The following SPHKAP variants were observed in gnomAD, a reference collection of about 807,000 sequenced individuals.
SPHKAP encodes A-kinase anchor protein SPHKAP.
Under a neutral mutation model 137.5 loss-of-function variants are expected in SPHKAP, and 67 were observed. The ratio of observed to expected loss-of-function variants is 0.49; its 90% confidence interval spans 0.40 to 0.60. The LOEUF (loss-of-function observed/expected upper bound fraction) is 0.60, where lower values mean the gene tolerates loss of function less well. Among genes scored for constraint, SPHKAP ranks in the 20% least tolerant of loss-of-function variants. SPHKAP has a pLI of 0.00. For missense variants in SPHKAP, 2,097 were observed against 2,069.3 expected (o/e 1.01, Z -0.26); for synonymous variants, 813 against 785.3 (o/e 1.04, Z -0.59).
At chr2:228,020,271 T>C in intron 6 of SPHKAP, 115 bp from the exon 7 acceptor site, 1 of 1,412,294 alleles carries the variant, frequency 7.1e-7, no homozygotes. Context: ...TGCACACATA[T>C]GTTTATTGCA....
At chr2:228,175,013 GAA>G (rs60971800) in intron 1 of SPHKAP, among the ~76,000 whole-genome samples, 25 of 98,034 alleles carry the variant, frequency 2.6e-4, no homozygotes, top group Middle Eastern at 7.2e-3. Context: ...TTATCCATCT[GAA>G]AAAAAAAAAA....
At chr2:228,164,109 G>T (rs911429679) in intron 1 of SPHKAP, among the ~76,000 whole-genome samples, 2 of 152,176 alleles carry the variant, frequency 1.3e-5, no homozygotes, top group Admixed American at 1.3e-4. Context: ...AACTTCCCTT[G>T]CTGAGTCTTC....
chr2:228,180,807 A>C (rs1354599800), intron 1 of SPHKAP, among the ~76,000 whole-genome samples: 1 of 152,192 alleles, frequency 6.6e-6, no homozygotes, highest in African/African-American at 2.4e-5. Flanking sequence ...TAATTTCGCA[A>C]AGGACTGAGT....
At chr2:228,138,721 A>T (rs1699507510) in intron 1 of SPHKAP, among the ~76,000 whole-genome samples, 1 of 152,202 alleles carries the variant, frequency 6.6e-6, no homozygotes, top group African/African-American at 2.4e-5. Context: ...CTAGACCAGT[A>T]AAATAAAAAT....
At chr2:228,155,226 T>G (rs1370627589) in intron 1 of SPHKAP, among the ~76,000 whole-genome samples, 1 of 149,690 alleles carries the variant, frequency 6.7e-6, no homozygotes, top group Non-Finnish European at 1.5e-5. Flanking sequence ...CATTGTTCAT[T>G]TTTTTTTTTG....
At chr2:228,170,261 G>A (rs1353941023) in intron 1 of SPHKAP, among the ~76,000 whole-genome samples, 1 of 152,108 alleles carries the variant, frequency 6.6e-6, no homozygotes, top group Non-Finnish European at 1.5e-5. Flanking sequence ...TGAAGATGCT[G>A]TGAACATTGT....
intron 2 of SPHKAP, among the ~76,000 whole-genome samples, chr2:228,125,568 A>G (rs973513173): frequency 5.3e-5 from 8 of 152,212 alleles, no homozygotes; most frequent in Non-Finnish European, 4.4e-5. Flanking sequence ...CTGGGATCTA[A>G]TTCAAGTCTC....
chr2:228,034,877 AT>A (rs570297058), intron 3 of SPHKAP, among the ~76,000 whole-genome samples: 504 of 152,208 alleles, frequency 3.3e-3, no homozygotes, highest in Non-Finnish European at 5.6e-3. Context: ...GATGGGACAT[AT>A]CTCAAAATAA....
chr2:228,119,592 T>C (rs1473653318), intron 2 of SPHKAP, among the ~76,000 whole-genome samples: 1 of 151,976 alleles, frequency 6.6e-6, no homozygotes, highest in Admixed American at 6.6e-5. Context: ...GAGAATTCTA[T>C]AGTCTTTTGT....
At chr2:228,154,041 C>T (rs1700019355) in intron 1 of SPHKAP, among the ~76,000 whole-genome samples, 1 of 152,046 alleles carries the variant, frequency 6.6e-6, no homozygotes, top group South Asian at 2.1e-4. Flanking sequence ...CACTCTCGCT[C>T]AGTTAAAAAA....
chr2:227,998,921 A>T (rs574706427), intron 7 of SPHKAP, among the ~76,000 whole-genome samples: 1 of 152,352 alleles, frequency 6.6e-6, no homozygotes, highest in South Asian at 2.1e-4. Context: ...GTTCCCAGGG[A>T]ATACAACCTA....
At chr2:228,010,355 C>T (rs534683589) in intron 7 of SPHKAP, among the ~76,000 whole-genome samples, 42 of 151,990 alleles carry the variant, frequency 2.8e-4, no homozygotes, top group South Asian at 8.3e-4. Context: ...GGTGAAACCC[C>T]GTCTCTACTA....
At chr2:228,036,613 G>A (rs1175350753) in intron 3 of SPHKAP, among the ~76,000 whole-genome samples, 1 of 152,060 alleles carries the variant, frequency 6.6e-6, no homozygotes, top group Non-Finnish European at 1.5e-5. Context: ...ATTCACAATA[G>A]CAAAGACTTG....
At chr2:228,142,115 G>A (rs991251703) in intron 1 of SPHKAP, among the ~76,000 whole-genome samples, 7 of 152,074 alleles carry the variant, frequency 4.6e-5, no homozygotes, top group East Asian at 1.9e-4. Context: ...CATGTTGATC[G>A]TTTACAGTTA....
rs184467997 is a variant in SPHKAP at position 228,135,156 on chromosome 2, C to A, written c.33-3071G>T. Reference sequence around the variant, plus strand: ...GGGCATGGTGGTGCATGCCTGTAATCCCAGCTACTCAGGAGGCTGAGACAG... The same window carrying A: ...GGGCATGGTGGTGCATGCCTGTAATACCAGCTACTCAGGAGGCTGAGACAG... On this transcript the variant is annotated intron_variant, in intron 1 of 11. Coordinates refer to ENST00000392056, the MANE Select transcript of SPHKAP (RefSeq NM_001142644.2). Among the ~76,000 whole-genome samples the A allele has an allele frequency of 6.2e-4, 95 of 152,028 alleles. 1 individual carries two copies. The highest frequency in any genetic ancestry group is 2.2e-3 in the African/African-American group (90 of 41,474).
chr2:228,160,386 T>C (rs1700239516), intron 1 of SPHKAP, among the ~76,000 whole-genome samples: 1 of 152,228 alleles, frequency 6.6e-6, no homozygotes, highest in African/African-American at 2.4e-5. Context: ...AGAGGTTTAA[T>C]TGACTCACAG....
chr2:228,180,152 C>T (rs368527159), intron 1 of SPHKAP, among the ~76,000 whole-genome samples: 1 of 151,834 alleles, frequency 6.6e-6, no homozygotes, highest in East Asian at 2.0e-4. Context: ...GGGCAGGGAT[C>T]GGGAGGGTGG....
chr2:228,101,500 C>A (rs1348540238), intron 3 of SPHKAP, among the ~76,000 whole-genome samples: 5 of 152,150 alleles, frequency 3.3e-5, no homozygotes, highest in African/African-American at 7.2e-5. Context: ...CATGTAAATT[C>A]TCTCTTAAGT....
chr2:228,077,930 G>A (rs1485944683), intron 3 of SPHKAP, among the ~76,000 whole-genome samples: 2 of 152,114 alleles, frequency 1.3e-5, no homozygotes, highest in Non-Finnish European at 2.9e-5. Flanking sequence ...TTATGGGAGC[G>A]GGTCTTTCCT....
Sources: allele counts gnomAD v4.1 joint callset (sites outside exome capture counted in the v4.1 genomes callset), GRCh38; gene constraint gnomAD v4.1.1; transcripts MANE v1.5; gene names NCBI Gene and HGNC (gene_info 2026-07-23, HGNC 2026-07-21).